The following CCDC42 variants were observed in gnomAD, a reference collection of about 807,000 sequenced individuals.
CCDC42 encodes the protein coiled-coil domain-containing protein 42.
CCDC42 carries 38 observed loss-of-function variants against 40.8 expected under a neutral mutation model. The ratio of observed to expected loss-of-function variants is 0.93; its 90% CI spans 0.72 to 1.22. The LOEUF (loss-of-function observed/expected upper bound fraction) is 1.22, where lower values mean the gene tolerates loss of function less well. Ranked by LOEUF, CCDC42 falls within the 50% of genes most tolerant of loss-of-function variation. The probability of loss-of-function intolerance (pLI) is 0.00; values close to 1 mark genes in which losing one functional copy is unlikely to be tolerated. For synonymous variants in CCDC42, 135 were observed against 157.5 expected (o/e 0.86, Z 1.07); for missense variants, 379 against 416.5 (o/e 0.91, Z 0.78).
rs767959126 is a variant in CCDC42 at position 8,735,382 on chromosome 17, C to T, written c.714+8G>A. On this transcript the variant is annotated splice_region_variant and intron_variant, in intron 5 of 6. Coordinates refer to ENST00000293845, the MANE Select transcript of CCDC42 (RefSeq NM_144681.3). The surrounding 1 kb of genome is among the most constrained non-coding windows in gnomAD (Gnocchi z 4.7). ...CTGGGAGCCCCCGGCCCGCCCCGGG[C>T]CCCTCACCCAGAAGATGACATTGCT... is the stretch of plus-strand genomic sequence containing the variant. The T allele has an allele frequency of 1.5e-5, 25 of 1,613,416 alleles. No homozygotes were observed. The highest frequency in any genetic ancestry group is 1.9e-5 in the Non-Finnish European group (23 of 1,179,940).
intron 6 of CCDC42, among the ~76,000 whole-genome samples, chr17:8,732,510 CAG>C (rs1162228305): frequency 6.6e-5 from 10 of 152,050 alleles, no homozygotes; most frequent in Non-Finnish European, 1.3e-4. Flanking sequence ...AATGAGAAAA[CAG>C]AGAGTCAATG....
chr17:8,743,587 G>T (rs1343974513), intron 3 of CCDC42, 39 bp downstream of exon 3: 1 of 1,186,908 alleles, frequency 8.4e-7, no homozygotes. Context: ...GCGGACTATG[G>T]ATCCCCTGGC....
chr17:8,744,777 G>T lies in CCDC42; in HGVS notation c.-168C>A. On this transcript the variant is annotated 5_prime_UTR_variant, in exon 1 of 7. The change creates a new upstream start codon in the 5' untranslated region. Transcript: ENST00000293845. ...ACTCCACAGAAGGTGGCTGGAGACAGGTTGGGCGGCTCAGGACGATGTGCT... is the reference window on the plus strand; with the variant it reads ...ACTCCACAGAAGGTGGCTGGAGACATGTTGGGCGGCTCAGGACGATGTGCT... 1.6e-6 allele frequency: 1 copy of T among 631,884 alleles called. No homozygotes were observed. 39.1% of individuals were successfully genotyped at this position (631,884 alleles called of 1,614,324 possible).
At chr17:8,731,535 TGTG>T (rs1389468613) in intron 6 of CCDC42, among the ~76,000 whole-genome samples, 2 of 152,150 alleles carry the variant, frequency 1.3e-5, no homozygotes, top group Non-Finnish European at 2.9e-5. Context: ...ATAAAGAAAA[TGTG>T]GTACTTATAC....
At chr17:8,742,476 C>A (rs2086651216) in intron 3 of CCDC42, among the ~76,000 whole-genome samples, 1 of 152,188 alleles carries the variant, frequency 6.6e-6, no homozygotes, top group Admixed American at 6.5e-5. Flanking sequence ...GCAATCAGTC[C>A]AATCCTGCCT....
chr17:8,734,086 T>G (rs1568050477), intron 6 of CCDC42, among the ~76,000 whole-genome samples: 1 of 152,210 alleles, frequency 6.6e-6, no homozygotes, highest in East Asian at 1.9e-4. Flanking sequence ...TCTGTTAAAC[T>G]AGACATTAAA....
intron 4 of CCDC42, among the ~76,000 whole-genome samples, chr17:8,738,176 A>C (rs1267774025): frequency 6.6e-6 from 1 of 152,176 alleles, no homozygotes; most frequent in Non-Finnish European, 1.5e-5. Flanking sequence ...AATTACTATC[A>C]ATTGTATAGT....
Position 8,730,214 on chromosome 17 carries a change from A to C in CCDC42, c.874-7T>G. 1 of 1,612,840 alleles carries C rather than the reference A, an allele frequency of 6.2e-7. No homozygotes were observed. Among genetic ancestry groups the C allele is most frequent in the Non-Finnish European group, 8.5e-7 (1 of 1,179,232 alleles). ...CTTGGATAAATTGCTGGATCTAGAA[A>C]GGCAAGGAGCCCAGCGTTAACTCCG... On this transcript the variant is annotated splice_region_variant and splice_polypyrimidine_tract_variant and intron_variant, in intron 6 of 6. Transcript: ENST00000293845.
intron 2 of CCDC42, 51 bp downstream of exon 2, chr17:8,744,028 G>GCCCCCCC: frequency 8.2e-7 from 1 of 1,220,582 alleles, no homozygotes; most frequent in Non-Finnish European, 1.2e-6. Flanking sequence ...CAGAGCCCCA[G>GCCCCCCC]CCCACCCCCT....
Position 8,744,301 on chromosome 17 carries a change from C to G in CCDC42, c.84-117G>C, listed in dbSNP as rs577492727. On this transcript the variant is annotated intron_variant, in intron 1 of 6. Coordinates refer to ENST00000293845, the MANE Select transcript of CCDC42 (RefSeq NM_144681.3). ...AAGCAGAGGGGCCTCTCTCCCTTTC[C>G]GAGGGAAAGGGCTGTTGTGTTGAGA... 103 of 806,406 alleles carry G rather than the reference C, an allele frequency of 1.3e-4. No individual in the cohort carries two copies. The African/African-American group carries it at 1.7e-3, about 13-fold the overall frequency. 50.0% of individuals were successfully genotyped at this position (806,406 alleles called of 1,614,324 possible). A position where few individuals can be genotyped will look rare whatever the true frequency, so the allele number is the denominator to read the frequency against.
intron 6 of CCDC42, among the ~76,000 whole-genome samples, chr17:8,730,884 A>G (rs890682718): frequency 2.6e-5 from 4 of 152,068 alleles, no homozygotes; most frequent in Non-Finnish European, 5.9e-5. Context: ...GCATGGGCAG[A>G]CCGCCTTCCA....
chr17:8,740,226 C>G (rs2086633746), intron 4 of CCDC42, among the ~76,000 whole-genome samples: 1 of 152,028 alleles, frequency 6.6e-6, no homozygotes, highest in African/African-American at 2.4e-5. Flanking sequence ...GAGGATCGCT[C>G]ACGCCTGTAA....
chr17:8,744,735 AGAT>A lies in CCDC42; in HGVS notation c.-129_-127del, dbSNP rs1409600271. The A allele has an allele frequency of 1.2e-5, 8 of 689,644 alleles. No homozygotes were observed. Among genetic ancestry groups the A allele is most frequent in the Non-Finnish European group, 2.1e-5 (8 of 385,762 alleles). 42.7% of individuals were successfully genotyped at this position (689,644 alleles called of 1,614,324 possible). On this transcript the variant is annotated 5_prime_UTR_variant, in exon 1 of 7. Coordinates refer to ENST00000293845, the MANE Select transcript of CCDC42 (RefSeq NM_144681.3). ...CTCCCTTCGGCCTACAGGGTCCCAC[AGAT>A]GATGGAGTTTGAGACTCCACAGAAG...
chr17:8,737,523 A>T (rs1597345148), intron 4 of CCDC42, among the ~76,000 whole-genome samples: 1 of 152,324 alleles, frequency 6.6e-6, no homozygotes, highest in African/African-American at 2.4e-5. Context: ...CCACATAGTA[A>T]TCAAATGGTG....
intron 6 of CCDC42, 84 bp from the exon 7 acceptor site, chr17:8,730,291 G>T: frequency 1.2e-6 from 1 of 847,556 alleles, no homozygotes; most frequent in Non-Finnish European, 1.9e-6. Flanking sequence ...ACATTCACTT[G>T]TAAAGAATTC....
In CCDC42 at chr17:8,730,015, C is replaced by T. The variant is rs1179424314; in HGVS notation, c.*115G>A. ...CACGGGGGAAAATAAGCAGGTGTCC[C>T]TCAGCAGGAAGGCACAGCAGGCATC... On this transcript the variant is annotated 3_prime_UTR_variant, in exon 7 of 7. Coordinates refer to ENST00000293845, the MANE Select transcript of CCDC42 (RefSeq NM_144681.3). The T allele has an allele frequency of 1.2e-6, 1 of 852,508 alleles. No homozygotes were observed. Among genetic ancestry groups the T allele is most frequent in the South Asian group, 1.4e-5 (1 of 70,526 alleles). The allele number at this position is 852,508 out of a possible 1,614,324, so 52.8% of individuals were successfully genotyped here. A position where few individuals can be genotyped will look rare whatever the true frequency, so the allele number is the denominator to read the frequency against.
At chr17:8,743,590 C>G in intron 3 of CCDC42, 36 bp downstream of exon 3, 9 of 1,209,508 alleles carry the variant, frequency 7.4e-6, no homozygotes, top group Non-Finnish European at 1.1e-5. Context: ...GACTATGGAT[C>G]CCCTGGCCAC....
At chr17:8,737,610 A>C (rs2086619773) in intron 4 of CCDC42, among the ~76,000 whole-genome samples, 1 of 152,210 alleles carries the variant, frequency 6.6e-6, no homozygotes, top group Admixed American at 6.5e-5. Flanking sequence ...AAGGGTTGCT[A>C]GTGAGTGTCT....
intron 6 of CCDC42, among the ~76,000 whole-genome samples, chr17:8,733,190 T>C (rs557347534): frequency 6.6e-6 from 1 of 152,206 alleles, no homozygotes; most frequent in Admixed American, 6.5e-5. Context: ...TCTAAGACCC[T>C]TAAGAACCAA....
Sources: allele counts gnomAD v4.1 joint callset (sites outside exome capture counted in the v4.1 genomes callset), GRCh38; gene constraint gnomAD v4.1.1; non-coding constraint Gnocchi (gnomAD v3.1); transcripts MANE v1.5; gene names NCBI Gene and HGNC (gene_info 2026-07-23, HGNC 2026-07-21).